Variants in LRRC3C observed in about 807,000 individuals in gnomAD.
LRRC3C encodes the protein leucine rich repeat containing 3C, also known as leucine-rich repeat-containing protein 3C.
In LRRC3C, 11 loss-of-function variants were observed where a neutral mutation model predicts 14.8. That is an observed-to-expected ratio of 0.74 (90% confidence interval 0.47 to 1.23). The LOEUF (loss-of-function observed/expected upper bound fraction) is 1.23, where lower values mean the gene tolerates loss of function less well. LRRC3C is among the 50% of genes most tolerant of loss of function. The pLI, the probability that LRRC3C is intolerant of heterozygous loss-of-function variation, is 0.00. For synonymous variants in LRRC3C, 149 were observed against 161.5 expected (o/e 0.92, Z 0.59); for missense variants, 354 against 361.8 (o/e 0.98, Z 0.18).
intron 1 of LRRC3C, among the ~76,000 whole-genome samples, chr17:39,932,798 T>C (rs1053836029): frequency 6.6e-6 from 1 of 151,650 alleles, no homozygotes; most frequent in Non-Finnish European, 1.5e-5. Flanking sequence ...GCGCCTGTAA[T>C]CCCAGCACTT....
chr17:39,929,622 A>G (rs985120651), intron 1 of LRRC3C, among the ~76,000 whole-genome samples: 2 of 152,174 alleles, frequency 1.3e-5, no homozygotes, highest in Non-Finnish European at 2.9e-5. Context: ...AACACTTGTC[A>G]CTGTGTGCCA....
chr17:39,936,210 C>T (rs924731232), intron 2 of LRRC3C, among the ~76,000 whole-genome samples: 9 of 152,194 alleles, frequency 5.9e-5, no homozygotes, highest in African/African-American at 2.2e-4. Context: ...ATTCTAGACA[C>T]GTGGAGCATC....
rs553796868 is a variant in LRRC3C at position 39,942,955 on chromosome 17, C to T, written c.27-978C>T. ...GGTAAGGAAGAGGAGTTCTGGGAAG[C>T]AGTTTCAGCCTTGGGGAGTGAGGGA... On this transcript the variant is annotated intron_variant, in intron 3 of 3. Coordinates refer to ENST00000377924, the MANE Select transcript of LRRC3C (RefSeq NM_001195545.2). 1.5e-4 allele frequency among the ~76,000 whole-genome samples: 23 copies of T among 152,316 alleles called. No homozygotes were observed. In the South Asian group the frequency reaches 3.9e-3, roughly 26 times the overall value.
chr17:39,944,616 T>C lies in LRRC3C; in HGVS notation c.710T>C (p.Val237Ala). 8 of 1,535,832 alleles carry C rather than the reference T, an allele frequency of 5.2e-6. No homozygotes were observed. Among genetic ancestry groups the C allele is most frequent in the Non-Finnish European group, 7.0e-6 (8 of 1,146,834 alleles). The stretch of plus-strand genomic sequence containing the variant: ...ATGGGGGGCTGGCTGACACTCATGG[T>C]GGCTTATCTGGTGCATTATGTGTGG... ...VTMGGWLTLM[V>A]AYLVHYVWQN... Residue 237 changes from valine to alanine, a missense_variant, in exon 4 of 4, where the codon GTG (valine) becomes GCG (alanine). Physicochemically the swap from Val to Ala is moderately conservative, Grantham distance 64. Coordinates refer to ENST00000377924, the MANE Select transcript of LRRC3C (RefSeq NM_001195545.2).
At chr17:39,932,530 C>A (rs954565944) in intron 1 of LRRC3C, among the ~76,000 whole-genome samples, 2 of 115,120 alleles carry the variant, frequency 1.7e-5, no homozygotes, top group Non-Finnish European at 3.5e-5. Context: ...TAATGAGACC[C>A]CCCCCCCACC....
At chr17:39,935,756 A>G in intron 1 of LRRC3C, 46 bp from the exon 2 acceptor site, 1 of 882,524 alleles carries the variant, frequency 1.1e-6, no homozygotes, top group Non-Finnish European at 1.4e-6. Flanking sequence ...ATCTCCAAGC[A>G]TGGCAGCATG....
intron 2 of LRRC3C, among the ~76,000 whole-genome samples, chr17:39,937,821 T>C (rs1324865265): frequency 4.6e-5 from 7 of 152,180 alleles, no homozygotes; most frequent in Admixed American, 4.6e-4. Flanking sequence ...TAGAATCACC[T>C]GAGGAGCTTT....
rs1367099579 is a variant in LRRC3C, at chr17:39,944,649, G to A, written c.743G>A (p.Arg248Gln). 14 of 1,535,904 alleles carry A rather than the reference G, an allele frequency of 9.1e-6. No homozygotes were observed. The highest frequency in any genetic ancestry group is 1.7e-4 in the Middle Eastern group (1 of 6,012). The change falls in exon 4 of 4, where the codon CGA (arginine) becomes CAA (glutamine). Residue 248 changes from arginine (R) to glutamine (Q), a missense_variant. By Grantham distance (43) the Arg-to-Gln change is conservative. Coordinates refer to ENST00000377924, the MANE Select transcript of LRRC3C (RefSeq NM_001195545.2). ...AYLVHYVWQN[R>Q]DETRRSLKRA... ...CTGGTGCATTATGTGTGGCAGAACC[G>A]AGATGAGACCAGGCGCTCCCTCAAG...
chr17:39,937,382 G>C (rs180823389), intron 2 of LRRC3C, among the ~76,000 whole-genome samples: 214 of 152,256 alleles, frequency 1.4e-3, no homozygotes, highest in African/African-American at 5.0e-3. Flanking sequence ...GTTTCAGTGA[G>C]CTGAGATCAT....
intron 2 of LRRC3C, 63 bp from the exon 3 acceptor site, chr17:39,941,380 T>G: frequency 2.0e-6 from 1 of 500,746 alleles, no homozygotes; most frequent in South Asian, 2.5e-5. Flanking sequence ...AGGAAGAAAT[T>G]CTTAACAGGT....
At chr17:39,941,119 GT>G (rs953537903) in intron 2 of LRRC3C, among the ~76,000 whole-genome samples, 7 of 151,828 alleles carry the variant, frequency 4.6e-5, no homozygotes, top group African/African-American at 1.7e-4. Context: ...GGAGGCCGAA[GT>G]GGGTGGATCA....
chr17:39,942,800 G>A (rs1420020915), intron 3 of LRRC3C, among the ~76,000 whole-genome samples: 1 of 152,218 alleles, frequency 6.6e-6, no homozygotes, highest in Non-Finnish European at 1.5e-5. Context: ...AAGAATGGCA[G>A]AAGGGAGTAG....
chr17:39,943,825 C>T (rs757662665), intron 3 of LRRC3C, 108 bp from the exon 4 acceptor site: 1 of 1,053,630 alleles, frequency 9.5e-7, no homozygotes, highest in Non-Finnish European at 1.4e-6. Context: ...AGAGAAGAGG[C>T]CCCAGCCCAA....
Position 39,944,081 on chromosome 17 carries a change from G to C in LRRC3C, c.175G>C (p.Gly59Arg), listed in dbSNP as rs1302086336. Residue 59 changes from glycine to arginine, a missense_variant, in exon 4 of 4, where the codon GGT (glycine) becomes CGT (arginine). Physicochemically the swap from Gly to Arg is moderately radical, Grantham distance 125. Transcript: ENST00000377924. Reference protein sequence around the residue: ...PRGCYVAKEAGERTFRCSQAG... With the variant: ...PRGCYVAKEARERTFRCSQAG... ...GGGCTGTTATGTGGCAAAGGAAGCA[G>C]GTGAACGGACGTTCCGCTGCAGCCA... 8 of 1,536,134 alleles carry C rather than the reference G, an allele frequency of 5.2e-6. No homozygotes were observed. In the Admixed American group the frequency reaches 9.8e-5, roughly 19 times the overall value.
chr17:39,940,968 T>G (rs1180194493), intron 2 of LRRC3C, among the ~76,000 whole-genome samples: 2 of 151,966 alleles, frequency 1.3e-5, no homozygotes, highest in Non-Finnish European at 2.9e-5. Context: ...GGTCTCAAAT[T>G]CCTGGCCTCA....
intron 1 of LRRC3C, 112 bp downstream of exon 1, chr17:39,927,926 G>A (rs1379942826): frequency 2.1e-6 from 2 of 942,122 alleles, no homozygotes; most frequent in African/African-American, 1.8e-5. Context: ...GTAGGTCTTT[G>A]CTGGGTCCTA....
At chr17:39,933,996 A>G (rs950335215) in intron 1 of LRRC3C, among the ~76,000 whole-genome samples, 1 of 152,246 alleles carries the variant, frequency 6.6e-6, no homozygotes, top group South Asian at 2.1e-4. Flanking sequence ...CAGACAAAGG[A>G]GCAGCGAATG....
chr17:39,930,098 G>A (rs1217747773), intron 1 of LRRC3C, among the ~76,000 whole-genome samples: 1 of 151,562 alleles, frequency 6.6e-6, no homozygotes, highest in East Asian at 1.9e-4. Flanking sequence ...GGACAACATG[G>A]TAAAACCCCG....
At position 39,937,140 on chromosome 17, in the gene LRRC3C, AAAAT is replaced by A. The variant is rs934057914; in HGVS notation, c.-82+1256_-82+1259del. ...TGACAGAGTGAGACTCTGTCTAAAA[AAAAT>A]AAATAAATAGGCCGGGCGCAGTGGC... On this transcript the variant is annotated intron_variant, in intron 2 of 3. Transcript: ENST00000377924. 1.2e-3 allele frequency among the ~76,000 whole-genome samples: 187 copies of A among 151,956 alleles called. 1 individual carries two copies. Among genetic ancestry groups the A allele is most frequent in the East Asian group, 2.7e-3 (14 of 5,154 alleles).
Sources: gnomAD v4.1 joint callset for allele counts (sites outside exome capture counted in the v4.1 genomes callset) on GRCh38, gnomAD v4.1.1 for gene constraint, MANE v1.5 for transcripts, NCBI Gene and HGNC (gene_info 2026-07-23, HGNC 2026-07-21) for gene names.